Variants in PACSIN2 observed in about 807,000 individuals in gnomAD.
The protein encoded by PACSIN2 is protein kinase C and casein kinase substrate in neurons 2.
A neutral mutation model predicts 63.8 loss-of-function variants in PACSIN2; 25 were observed. The ratio of observed to expected loss-of-function variants is 0.39; its 90% confidence interval spans 0.29 to 0.55. The LOEUF is 0.55. Among genes scored for constraint, PACSIN2 ranks in the 20% least tolerant of loss-of-function variants. PACSIN2 has a pLI of 0.62. For synonymous variants in PACSIN2, 255 were observed against 256.2 expected (o/e 1.00, Z 0.05); for missense variants, 518 against 646.9 (o/e 0.80, Z 2.16).
chr22:43,012,208 T>A (rs1601628182), intron 1 of PACSIN2, among the ~76,000 whole-genome samples: 1 of 132,976 alleles, frequency 7.5e-6, no homozygotes, highest in Non-Finnish European at 1.6e-5. Flanking sequence ...CATACAAACA[T>A]ACAAAAACTA....
rs542506859 is a variant in PACSIN2, at chr22:42,893,262, T to C, written c.217+195A>G. On this transcript the variant is annotated intron_variant, in intron 3 of 10. Coordinates refer to ENST00000263246, the MANE Select transcript of PACSIN2 (RefSeq NM_001184970.3). ...CCCAAGGAAAGTGGACAAAAGCTCA[T>C]GGAGCCTGTGCCTTCTGGTGATGGG... Among the ~76,000 whole-genome samples, 260 of 152,380 alleles carry C rather than the reference T, an allele frequency of 1.7e-3. 2 individuals are homozygous for C. Among genetic ancestry groups the C allele is most frequent in the African/African-American group, 6.0e-3 (249 of 41,590 alleles).
At chr22:43,008,810 G>A (rs1037948089) in intron 1 of PACSIN2, among the ~76,000 whole-genome samples, 2 of 152,216 alleles carry the variant, frequency 1.3e-5, no homozygotes, top group African/African-American at 2.4e-5. Context: ...GGACAAGTGA[G>A]ACATTTGGAA....
intron 1 of PACSIN2, among the ~76,000 whole-genome samples, chr22:42,913,498 A>G (rs1054237066): frequency 1.4e-5 from 2 of 144,086 alleles, no homozygotes; most frequent in African/African-American, 5.3e-5. Context: ...AAAAAAAAAA[A>G]AAAAAAGAGA....
At chr22:42,881,375 T>C (rs1328920635) in intron 7 of PACSIN2, among the ~76,000 whole-genome samples, 1 of 152,210 alleles carries the variant, frequency 6.6e-6, no homozygotes, top group East Asian at 1.9e-4. Context: ...GCGAATAGTT[T>C]GCTCAGCTTC....
At chr22:42,876,366 C>G (rs747087128) in intron 9 of PACSIN2, 33 bp from the exon 10 acceptor site, 52 of 1,596,402 alleles carry the variant, frequency 3.3e-5, no homozygotes, top group Non-Finnish European at 4.4e-5. Flanking sequence ...GGGCCCTCAG[C>G]ACAGGGCGGC....
chr22:42,971,230 C>A (rs1025470558), intron 1 of PACSIN2, among the ~76,000 whole-genome samples: 2 of 152,186 alleles, frequency 1.3e-5, no homozygotes, highest in African/African-American at 4.8e-5. Flanking sequence ...GGATTGCAGG[C>A]GCGCGCCGCC....
At chr22:42,995,709 C>T (rs1015120935) in intron 1 of PACSIN2, among the ~76,000 whole-genome samples, 1 of 152,168 alleles carries the variant, frequency 6.6e-6, no homozygotes, top group African/African-American at 2.4e-5. Flanking sequence ...GTCCACCAGA[C>T]AGAGGCCTTA....
intron 2 of PACSIN2, among the ~76,000 whole-genome samples, chr22:42,906,427 T>C (rs939358233): frequency 1.3e-5 from 2 of 152,172 alleles, no homozygotes; most frequent in African/African-American, 4.8e-5. Flanking sequence ...AACCACCCAT[T>C]TAAAAACACG....
Position 42,981,788 on chromosome 22 carries a change from C to T in PACSIN2, c.-78+33233G>A, listed in dbSNP as rs1922168598. Among the ~76,000 whole-genome samples, 19 of 127,078 alleles carry T rather than the reference C, an allele frequency of 1.5e-4. No individual in the cohort carries two copies. The South Asian group carries it at 5.0e-3, about 34-fold the overall frequency. The allele number at this position is 127,078 out of a possible 152,430, so 83.4% of individuals were successfully genotyped here. ...CAGGAGGGAGGTGGGTGGGTCAGCC[C>T]CCCGCCCGGCCAGCCGCCCAGTCCG... On this transcript the variant is annotated intron_variant, in intron 1 of 10. Transcript: ENST00000263246.
At chr22:42,952,245 G>A (rs1933726841) in intron 1 of PACSIN2, among the ~76,000 whole-genome samples, 1 of 152,178 alleles carries the variant, frequency 6.6e-6, no homozygotes, top group African/African-American at 2.4e-5. Flanking sequence ...GAATGACAGA[G>A]CATAATTCTG....
At chr22:42,976,157 A>C (rs1223337185) in intron 1 of PACSIN2, among the ~76,000 whole-genome samples, 1 of 152,260 alleles carries the variant, frequency 6.6e-6, no homozygotes, top group African/African-American at 2.4e-5. Context: ...CTTCACCTAG[A>C]GGGAGTACAG....
chr22:42,981,072 A>C (rs1922073092), intron 1 of PACSIN2, among the ~76,000 whole-genome samples: 2 of 147,340 alleles, frequency 1.4e-5, no homozygotes, highest in South Asian at 4.3e-4. Context: ...CCCATCTAGG[A>C]AGTGAGGAAC....
chr22:42,972,764 G>A (rs1359188447), intron 1 of PACSIN2, among the ~76,000 whole-genome samples: 1 of 151,076 alleles, frequency 6.6e-6, no homozygotes, highest in Non-Finnish European at 1.5e-5. Flanking sequence ...TTTTTCTTAT[G>A]TTGCCCAGGC....
intron 1 of PACSIN2, among the ~76,000 whole-genome samples, chr22:43,010,582 C>A (rs1303874469): frequency 6.6e-6 from 1 of 151,816 alleles, no homozygotes; most frequent in East Asian, 1.9e-4. Context: ...TGGCGGCGGG[C>A]GCCTGTAGTC....
rs1932851599 is a variant in PACSIN2 at position 42,934,520 on chromosome 22, G to C, written c.-77-22363C>G. ...CCTCCCCACTCTGGCTTCCCAGCCT[G>C]CCCAGCAGCCTTGCCCCTCATGGGC... On this transcript the variant is annotated intron_variant, in intron 1 of 10. Coordinates refer to ENST00000263246, the MANE Select transcript of PACSIN2 (RefSeq NM_001184970.3). 2.6e-5 allele frequency among the ~76,000 whole-genome samples: 4 copies of C among 152,322 alleles called. No individual in the cohort carries two copies. In the South Asian group the frequency reaches 8.3e-4, roughly 32 times the overall value.
intron 2 of PACSIN2, among the ~76,000 whole-genome samples, chr22:42,908,531 C>T (rs1251381525): frequency 6.6e-6 from 1 of 152,222 alleles, no homozygotes; most frequent in African/African-American, 2.4e-5. Flanking sequence ...GCTCCTGCAA[C>T]AAGTCAGGAA....
chr22:42,921,947 C>T (rs1395730376), intron 1 of PACSIN2, among the ~76,000 whole-genome samples: 2 of 152,158 alleles, frequency 1.3e-5, no homozygotes, highest in African/African-American at 4.8e-5. Context: ...CCATGTTGGC[C>T]AGGCTGGTCT....
intron 1 of PACSIN2, among the ~76,000 whole-genome samples, chr22:42,932,683 T>C (rs1241013569): frequency 6.6e-6 from 1 of 152,090 alleles, no homozygotes; most frequent in Non-Finnish European, 1.5e-5. Flanking sequence ...TTACTCGGAT[T>C]ATTAACTACA....
In PACSIN2 at chr22:42,997,935, G is replaced by A. The variant is rs146423938; in HGVS notation, c.-78+17086C>T. On this transcript the variant is annotated intron_variant, in intron 1 of 10. Transcript: ENST00000263246. Reference sequence around the variant, plus strand: ...AGAAACATTGCTGAGTTCCACCCACGTGTCTCAGAACACCAGTGACCACCG... The same window carrying A: ...AGAAACATTGCTGAGTTCCACCCACATGTCTCAGAACACCAGTGACCACCG... Among the ~76,000 whole-genome samples, 351 of 152,254 alleles carry A rather than the reference G, an allele frequency of 2.3e-3. 2 individuals carry two copies. The highest frequency in any genetic ancestry group is 0.017 in the Middle Eastern group (5 of 294).
Sources: allele counts gnomAD v4.1 joint callset (sites outside exome capture counted in the v4.1 genomes callset), GRCh38; gene constraint gnomAD v4.1.1; transcripts MANE v1.5; gene names NCBI Gene and HGNC (gene_info 2026-07-23, HGNC 2026-07-21).